The following SYT14 variants were observed in gnomAD, a reference collection of about 807,000 sequenced individuals.
The protein encoded by SYT14 is synaptotagmin 14.
Under a neutral mutation model 74.2 loss-of-function variants are expected in SYT14, and 32 were observed. The ratio of observed to expected loss-of-function variants is 0.43; its 90% CI spans 0.33 to 0.58. The LOEUF (loss-of-function observed/expected upper bound fraction) is 0.58. Ranked by LOEUF, SYT14 falls within the 20% of genes least tolerant of loss-of-function variation. The probability of loss-of-function intolerance (pLI) is 0.05; values close to 1 mark genes in which losing one functional copy is unlikely to be tolerated. For synonymous variants in SYT14, 298 were observed against 337.7 expected (o/e 0.88, Z 1.29); for missense variants, 791 against 981.8 (o/e 0.81, Z 2.60).
chr1:210,151,513 C>CCTT lies in SYT14; in HGVS notation c.2035-4208_2035-4207insCTT, dbSNP rs397863025. On this transcript the variant is annotated intron_variant, in intron 7 of 9. Coordinates refer to ENST00000637265, the Ensembl canonical transcript of SYT14. Reference sequence around the variant, plus strand: ...GAAATTATAGGCGAATGCCCCCCCCCTTTTTTTTTTTTTTAACTACAGTGG... The same window carrying CCTT: ...GAAATTATAGGCGAATGCCCCCCCCCCTTTTTTTTTTTTTTTTAACTACAGTGG... Among the ~76,000 whole-genome samples, 491 of 131,336 alleles carry CCTT rather than the reference C, an allele frequency of 3.7e-3. 9 individuals carry two copies. The highest frequency in any genetic ancestry group is 0.011 in the African/African-American group (396 of 36,360). The allele number at this position is 131,336 out of a possible 152,430, so 86.2% of individuals were successfully genotyped here.
intron 3 of SYT14, among the ~76,000 whole-genome samples, chr1:210,015,089 A>G (rs550278456): frequency 1.3e-5 from 2 of 152,088 alleles, no homozygotes; most frequent in African/African-American, 4.8e-5. Flanking sequence ...AAATTTTACA[A>G]AACTATTTTC....
At chr1:210,041,753 G>A (rs2080794950) in intron 5 of SYT14, among the ~76,000 whole-genome samples, 1 of 152,096 alleles carries the variant, frequency 6.6e-6, no homozygotes, top group African/African-American at 2.4e-5. Flanking sequence ...ACTTGGGTCT[G>A]GTGAGACAGA....
intron 2 of SYT14, among the ~76,000 whole-genome samples, chr1:209,957,587 C>T (rs1054289315): frequency 6.6e-6 from 1 of 151,830 alleles, no homozygotes. Flanking sequence ...CCACCATGCC[C>T]GGCTAATTTT....
intron 5 of SYT14, among the ~76,000 whole-genome samples, chr1:210,049,560 C>T (rs1286585652): frequency 3.3e-5 from 5 of 151,890 alleles, no homozygotes; most frequent in Non-Finnish European, 7.4e-5. Context: ...TTAGGTATTT[C>T]TCCTAATGCT....
chr1:210,147,362 T>C (rs770809859), intron 7 of SYT14, among the ~76,000 whole-genome samples: 2 of 152,122 alleles, frequency 1.3e-5, no homozygotes, highest in Non-Finnish European at 1.5e-5. Flanking sequence ...AAATGAAAGA[T>C]AATATTTAAA....
At chr1:210,023,442 C>T (rs2080343666) in intron 5 of SYT14, among the ~76,000 whole-genome samples, 1 of 152,160 alleles carries the variant, frequency 6.6e-6, no homozygotes, top group Non-Finnish European at 1.5e-5. Context: ...CTCTTGGGTT[C>T]AAGAGATTCT....
chr1:210,006,992 C>T (rs2079999797), intron 2 of SYT14, among the ~76,000 whole-genome samples: 4 of 151,758 alleles, frequency 2.6e-5, no homozygotes, highest in African/African-American at 7.3e-5. Flanking sequence ...TTCTGCAATA[C>T]TTTCAAAGTC....
chr1:209,942,350 A>C (rs2078746692), intron 1 of SYT14, among the ~76,000 whole-genome samples: 2 of 124,956 alleles, frequency 1.6e-5, no homozygotes, highest in African/African-American at 3.3e-5. Flanking sequence ...TCCAGCCTCC[A>C]TGCAAATTTA....
At chr1:209,945,861 A>T (rs986841308) in intron 1 of SYT14, among the ~76,000 whole-genome samples, 3 of 152,108 alleles carry the variant, frequency 2.0e-5, no homozygotes, top group Non-Finnish European at 2.9e-5. Flanking sequence ...ACAAATTTGC[A>T]TTTTTTACAA....
intron 2 of SYT14, among the ~76,000 whole-genome samples, chr1:209,971,581 G>C (rs985014227): frequency 3.9e-5 from 6 of 152,062 alleles, no homozygotes; most frequent in Admixed American, 1.3e-4. Context: ...TTTGTTGAGG[G>C]TTTTTATCAC....
chr1:209,966,610 T>C (rs972631569), intron 2 of SYT14, among the ~76,000 whole-genome samples: 12 of 152,208 alleles, frequency 7.9e-5, no homozygotes, highest in African/African-American at 2.9e-4. Context: ...TAAATAGAAA[T>C]TTTAAATTTA....
At chr1:209,966,962 A>G (rs955404741) in intron 2 of SYT14, among the ~76,000 whole-genome samples, 4 of 152,188 alleles carry the variant, frequency 2.6e-5, no homozygotes, top group Non-Finnish European at 5.9e-5. Context: ...GCCAGTAAGT[A>G]TGATGTTAGA....
At chr1:210,071,052 A>C (rs1444209481) in intron 5 of SYT14, among the ~76,000 whole-genome samples, 1 of 151,356 alleles carries the variant, frequency 6.6e-6, no homozygotes, top group Non-Finnish European at 1.5e-5. Context: ...TGATTCTCAT[A>C]TAAGCCTAGT....
intron 5 of SYT14, among the ~76,000 whole-genome samples, chr1:210,032,759 T>C (rs79932954): frequency 0.027 from 4,051 of 151,902 alleles, 192 homozygotes; most frequent in African/African-American, 0.091. Context: ...ATTTAAATAC[T>C]TACTATGAAG....
chr1:210,095,570 A>G (rs1455255275), intron 6 of SYT14, among the ~76,000 whole-genome samples: 2 of 152,176 alleles, frequency 1.3e-5, no homozygotes, highest in Non-Finnish European at 2.9e-5. Flanking sequence ...AAAGTTTTAG[A>G]TTGCAAGTTT....
At chr1:209,998,266 G>T (rs185140628) in intron 2 of SYT14, among the ~76,000 whole-genome samples, 1 of 152,026 alleles carries the variant, frequency 6.6e-6, no homozygotes, top group African/African-American at 2.4e-5. Context: ...CCTCTATAAG[G>T]AAGACTATGA....
chr1:210,063,210 C>G (rs1458261295), intron 5 of SYT14, among the ~76,000 whole-genome samples: 1 of 151,182 alleles, frequency 6.6e-6, no homozygotes, highest in African/African-American at 2.4e-5. Context: ...TCTTTTTTAC[C>G]TGTAAATCTT....
intron 1 of SYT14, among the ~76,000 whole-genome samples, chr1:209,945,186 C>T (rs917085610): frequency 6.6e-6 from 1 of 152,148 alleles, no homozygotes; most frequent in African/African-American, 2.4e-5. Flanking sequence ...AAGCTATTTT[C>T]TGTCCTGAGG....
intron 5 of SYT14, among the ~76,000 whole-genome samples, chr1:210,062,846 GT>G (rs1247929447): frequency 6.6e-6 from 1 of 151,628 alleles, no homozygotes; most frequent in East Asian, 1.9e-4. Flanking sequence ...AAATGTTTTA[GT>G]TTTTTATAGT....
Sources: allele counts gnomAD v4.1 joint callset (sites outside exome capture counted in the v4.1 genomes callset), GRCh38; gene constraint gnomAD v4.1.1; transcripts MANE v1.5; gene names NCBI Gene and HGNC (gene_info 2026-07-23, HGNC 2026-07-21).